Variants in ULK4 observed in about 807,000 individuals in gnomAD.
ULK4 encodes the protein inactive serine/threonine-protein kinase ULK4.
In ULK4, 133 loss-of-function variants were observed where a neutral mutation model predicts 160.6. That is an observed-to-expected ratio of 0.83 (90% confidence interval 0.72 to 0.96). ULK4 has a LOEUF of 0.96. Among genes scored for constraint, ULK4 ranks in the 40% least tolerant of loss-of-function variants. The pLI is 0.00. For missense variants in ULK4, 1,580 were observed against 1,499.5 expected (o/e 1.05, Z -0.89); for synonymous variants, 534 against 539.8 (o/e 0.99, Z 0.15).
At chr3:41,837,586 CAG>C (rs1253297373) in intron 17 of ULK4, among the ~76,000 whole-genome samples, 5 of 148,012 alleles carry the variant, frequency 3.4e-5, no homozygotes, top group Non-Finnish European at 7.4e-5. Flanking sequence ...TTTTTCCAGA[CAG>C]AGTCTCACTC....
chr3:41,831,719 G>GC (rs2041596710), intron 18 of ULK4, among the ~76,000 whole-genome samples: 1 of 151,648 alleles, frequency 6.6e-6, no homozygotes, highest in African/African-American at 2.4e-5. Context: ...CCCCTGACAG[G>GC]CCCCCATGTG....
intron 17 of ULK4, among the ~76,000 whole-genome samples, chr3:41,841,760 T>G (rs1375075423): frequency 1.3e-5 from 2 of 152,122 alleles, no homozygotes; most frequent in African/African-American, 4.8e-5. Context: ...TAGAAAGAAG[T>G]TGACATAGGA....
At chr3:41,284,349 A>T (rs891447386) in intron 35 of ULK4, among the ~76,000 whole-genome samples, 1 of 152,178 alleles carries the variant, frequency 6.6e-6, no homozygotes, top group East Asian at 1.9e-4. Context: ...ACACTTTCCT[A>T]TAAGGCCATA....
At chr3:41,721,363 T>TATA (rs1553639873) in intron 22 of ULK4, among the ~76,000 whole-genome samples, 96 of 28,614 alleles carry the variant, frequency 3.4e-3, no homozygotes, top group African/African-American at 6.9e-3. Flanking sequence ...TATATATATA[T>TATA]TTTTTTTTTT....
At chr3:41,642,528 T>A (rs1346221016) in intron 30 of ULK4, among the ~76,000 whole-genome samples, 2 of 152,240 alleles carry the variant, frequency 1.3e-5, no homozygotes, top group African/African-American at 4.8e-5. Flanking sequence ...CTCATCATTT[T>A]TTATGGCTGC....
At chr3:41,383,725 G>C (rs1229967373) in intron 35 of ULK4, among the ~76,000 whole-genome samples, 1 of 152,148 alleles carries the variant, frequency 6.6e-6, no homozygotes, top group Non-Finnish European at 1.5e-5. Context: ...CACTCCCCTT[G>C]GTTCTCAAGA....
chr3:41,506,767 A>AAAAAAAAAAAAAAAAAAAATATATAT lies in ULK4; in HGVS notation c.3227-43515_3227-43514insATATATATTTTTTTTTTTTTTTTTTT. Among the ~76,000 whole-genome samples, 43 of 56,794 alleles carry AAAAAAAAAAAAAAAAAAAATATATAT rather than the reference A, an allele frequency of 7.6e-4. 5 individuals carry two copies. The highest frequency in any genetic ancestry group is 1.0e-3 in the Non-Finnish European group (33 of 31,984). The allele number at this position is 56,794 out of a possible 152,430, so 37.3% of individuals were successfully genotyped here. A position where few individuals can be genotyped will look rare whatever the true frequency, so the allele number is the denominator to read the frequency against. ...AGCAATACACTGGAGTGTGATTTAAAATATATATATATATATATATATATA... is the reference window on the plus strand; with the variant it reads ...AGCAATACACTGGAGTGTGATTTAAAAAAAAAAAAAAAAAAAAAATATATATATATATATATATATATATATATATA... On this transcript the variant is annotated intron_variant, in intron 32 of 36. Coordinates refer to ENST00000301831, the MANE Select transcript of ULK4 (RefSeq NM_017886.4).
chr3:41,487,943 G>C (rs2084600539), intron 32 of ULK4, among the ~76,000 whole-genome samples: 1 of 150,976 alleles, frequency 6.6e-6, no homozygotes, highest in African/African-American at 2.4e-5. Flanking sequence ...TTACCCATGA[G>C]CAAAGAATAA....
intron 27 of ULK4, among the ~76,000 whole-genome samples, chr3:41,689,183 C>T (rs997024457): frequency 6.6e-6 from 1 of 152,174 alleles, no homozygotes; most frequent in African/African-American, 2.4e-5. Flanking sequence ...CTGCCAAATG[C>T]TAGTGATGTT....
In ULK4 at chr3:41,772,162, G is replaced by C. The variant is rs1011477328; in HGVS notation, c.2193+17499C>G. Among the ~76,000 whole-genome samples, 7 of 152,288 alleles carry C rather than the reference G, an allele frequency of 4.6e-5. No homozygotes were observed. In the South Asian group the frequency reaches 1.4e-3, roughly 32 times the overall value. ...CACCCTATCACAATTAAAAGAACTA[G>C]AGAAGCAAGAGCAAACACATTCAAA... is the stretch of plus-strand genomic sequence containing the variant. On this transcript the variant is annotated intron_variant, in intron 21 of 36. Coordinates refer to ENST00000301831, the MANE Select transcript of ULK4 (RefSeq NM_017886.4).
At chr3:41,716,528 C>G (rs373283793) in intron 23 of ULK4, among the ~76,000 whole-genome samples, 1 of 152,112 alleles carries the variant, frequency 6.6e-6, no homozygotes, top group Middle Eastern at 3.2e-3. Flanking sequence ...GCTCTATTTT[C>G]AGTCATCAAC....
At chr3:41,769,428 T>C (rs982880522) in intron 21 of ULK4, among the ~76,000 whole-genome samples, 3 of 152,186 alleles carry the variant, frequency 2.0e-5, no homozygotes, top group Non-Finnish European at 4.4e-5. Flanking sequence ...CAAAAATGAC[T>C]TCAGGTCACT....
chr3:41,278,528 A>G (rs2079275912), intron 35 of ULK4, among the ~76,000 whole-genome samples: 1 of 152,144 alleles, frequency 6.6e-6, no homozygotes, highest in South Asian at 2.1e-4. Flanking sequence ...CCTGGCTGGG[A>G]GACACCTCCC....
At chr3:41,949,573 C>T (rs1170350119) in intron 2 of ULK4, among the ~76,000 whole-genome samples, 1 of 150,650 alleles carries the variant, frequency 6.6e-6, no homozygotes, top group Non-Finnish European at 1.5e-5. Context: ...GCTGGGATTA[C>T]AGATGCCCAC....
intron 31 of ULK4, among the ~76,000 whole-genome samples, chr3:41,597,798 T>TA (rs1444827431): frequency 6.6e-6 from 1 of 152,102 alleles, no homozygotes; most frequent in Admixed American, 6.6e-5. Flanking sequence ...AACACAAACT[T>TA]AGAGATTTTT....
At chr3:41,801,015 A>T (rs1299678570) in intron 19 of ULK4, among the ~76,000 whole-genome samples, 1 of 152,266 alleles carries the variant, frequency 6.6e-6, no homozygotes, top group East Asian at 1.9e-4. Context: ...AAGCCAAAAA[A>T]TATGATTCAT....
At chr3:41,886,446 C>T (rs9838965) in intron 16 of ULK4, among the ~76,000 whole-genome samples, 103,819 of 152,042 alleles carry the variant, frequency 0.68, 39,095 homozygotes, top group East Asian at 0.83. Context: ...AAAAGTAAGG[C>T]TGTACAAGGC....
intron 31 of ULK4, among the ~76,000 whole-genome samples, chr3:41,567,421 T>C (rs1019605372): frequency 2.0e-5 from 3 of 150,710 alleles, no homozygotes; most frequent in African/African-American, 4.9e-5. Context: ...ATAAGACTCA[T>C]TGAGAAGGTG....
chr3:41,942,904 T>G (rs962924535), intron 2 of ULK4, among the ~76,000 whole-genome samples: 1 of 152,038 alleles, frequency 6.6e-6, no homozygotes, highest in African/African-American at 2.4e-5. Context: ...TTGTGTATAC[T>G]GGCTTTAGAA....
Sources: allele counts gnomAD v4.1 joint callset (sites outside exome capture counted in the v4.1 genomes callset), GRCh38; gene constraint gnomAD v4.1.1; transcripts MANE v1.5; gene names NCBI Gene and HGNC (gene_info 2026-07-23, HGNC 2026-07-21).